RGS20: variants seen among roughly 807,000 people sequenced by gnomAD.
The protein encoded by RGS20 is gz-selective GTPase-activating protein.
Under a neutral mutation model 33.6 loss-of-function variants are expected in RGS20, and 30 were observed. The observed-to-expected ratio is 0.89, with a 90% CI of 0.67 to 1.21. The LOEUF is 1.21. Ranked by LOEUF, RGS20 falls within the 50% of genes most tolerant of loss-of-function variation. RGS20 has a pLI of 0.00. For synonymous variants in RGS20, 208 were observed against 197.9 expected, an observed-to-expected ratio of 1.05 and a Z score of -0.43; for missense variants, 472 against 502.4, an observed-to-expected ratio of 0.94 and a Z score of 0.58.
intron 1 of RGS20, among the ~76,000 whole-genome samples, chr8:53,875,337 C>A (rs919324442): frequency 2.1e-5 from 3 of 145,374 alleles, no homozygotes; most frequent in African/African-American, 7.8e-5. Flanking sequence ...GAGGCTGAGG[C>A]AGGAGAATCG....
chr8:53,911,638 G>A (rs962094514), intron 2 of RGS20, among the ~76,000 whole-genome samples: 2 of 152,126 alleles, frequency 1.3e-5, no homozygotes, highest in African/African-American at 2.4e-5. Context: ...CCCTAAGAAA[G>A]GCATCAGGCC....
chr8:53,942,464 CAAAAACAAAAA>C (rs1814327354), intron 3 of RGS20, among the ~76,000 whole-genome samples: 1 of 147,632 alleles, frequency 6.8e-6, no homozygotes, highest in South Asian at 2.1e-4. Flanking sequence ...GTCTGAAAAA[CAAAAACAAAAA>C]AAAAAGAAAA....
In RGS20 at chr8:53,954,845, G is replaced by A. The variant is rs375711345; in HGVS notation, c.978+535G>A. On this transcript the variant is annotated intron_variant, in intron 5 of 5. Coordinates refer to ENST00000297313, the MANE Select transcript of RGS20 (RefSeq NM_170587.4). ...TGGGATTATAGGTGCGCACCACCAG[G>A]CCTGGCTAATTTTTGTATTTTTAGT... Among the ~76,000 whole-genome samples the A allele has an allele frequency of 3.2e-4, 48 of 150,944 alleles. No homozygotes were observed. The East Asian group carries it at 8.5e-3, about 27-fold the overall frequency.
At chr8:53,895,620 A>G (rs1812835331) in intron 2 of RGS20, among the ~76,000 whole-genome samples, 1 of 151,808 alleles carries the variant, frequency 6.6e-6, no homozygotes, top group Non-Finnish European at 1.5e-5. Flanking sequence ...TATGCCCTGA[A>G]CACTAATAAT....
At position 53,958,681 on chromosome 8, in the gene RGS20, AG is replaced by A; in HGVS notation, c.*224del. Reference sequence around the variant, plus strand: ...AAAAATAAAGGGATATGGCTGTTGTAGAAAGATAGCGTATTTGCATTTACAA... The same window carrying A: ...AAAAATAAAGGGATATGGCTGTTGTAAAAGATAGCGTATTTGCATTTACAA... On this transcript the variant is annotated 3_prime_UTR_variant, in exon 6 of 6. Transcript: ENST00000297313. The A allele has an allele frequency of 3.9e-6, 1 of 256,754 alleles. No homozygotes were observed. Among genetic ancestry groups the A allele is most frequent in the Non-Finnish European group, 7.1e-6 (1 of 140,014 alleles). The allele number at this position is 256,754 out of a possible 1,614,324, so 15.9% of individuals were successfully genotyped here.
At chr8:53,947,932 C>CTA (rs534648274) in intron 4 of RGS20, among the ~76,000 whole-genome samples, 2 of 132,572 alleles carry the variant, frequency 1.5e-5, no homozygotes, top group Non-Finnish European at 3.1e-5. Flanking sequence ...TTTACATATG[C>CTA]TATATATATA....
At chr8:53,910,207 G>T (rs1304915194) in intron 2 of RGS20, among the ~76,000 whole-genome samples, 1 of 152,162 alleles carries the variant, frequency 6.6e-6, no homozygotes, top group Non-Finnish European at 1.5e-5. Context: ...GCCAGCAAAA[G>T]TATAGATGCC....
intron 2 of RGS20, among the ~76,000 whole-genome samples, chr8:53,922,019 G>C (rs1813663038): frequency 6.6e-6 from 1 of 152,054 alleles, no homozygotes; most frequent in Non-Finnish European, 1.5e-5. Flanking sequence ...GGTGTAGTTA[G>C]TTTATAGTGT....
At chr8:53,903,245 A>G (rs1813079365) in intron 2 of RGS20, among the ~76,000 whole-genome samples, 1 of 152,196 alleles carries the variant, frequency 6.6e-6, no homozygotes, top group African/African-American at 2.4e-5. Flanking sequence ...TGCCTATTGT[A>G]TGCTAGACAC....
At chr8:53,925,257 A>G (rs1027369122) in intron 2 of RGS20, among the ~76,000 whole-genome samples, 2 of 152,162 alleles carry the variant, frequency 1.3e-5, no homozygotes, top group Non-Finnish European at 2.9e-5. Flanking sequence ...CTAGAGTCCC[A>G]ATCCCATCCT....
chr8:53,855,070 T>C (rs572788843), intron 1 of RGS20, among the ~76,000 whole-genome samples: 5 of 151,770 alleles, frequency 3.3e-5, no homozygotes, highest in African/African-American at 4.8e-5. Flanking sequence ...TAAGCCACTC[T>C]TTTTTTTTCT....
chr8:53,930,795 T>A lies in RGS20; in HGVS notation c.511-8781T>A, dbSNP rs188574488. 5.3e-4 allele frequency among the ~76,000 whole-genome samples: 80 copies of A among 152,244 alleles called. No homozygotes were observed. The East Asian group carries it at 0.014, about 26-fold the overall frequency. ...AACTCCTGACCTCAAGTGATCTGCC[T>A]GCCTCGGCCTCCCAAGGAATATGTT... On this transcript the variant is annotated intron_variant, in intron 2 of 5. Coordinates refer to ENST00000297313, the MANE Select transcript of RGS20 (RefSeq NM_170587.4).
intron 1 of RGS20, among the ~76,000 whole-genome samples, chr8:53,854,709 G>T (rs1001043125): frequency 1.9e-4 from 29 of 152,162 alleles, no homozygotes; most frequent in African/African-American, 6.5e-4. Context: ...AAACAATTTG[G>T]CAGTTTCTCA....
intron 1 of RGS20, among the ~76,000 whole-genome samples, chr8:53,856,323 C>G (rs1811669214): frequency 6.6e-6 from 1 of 150,816 alleles, no homozygotes; most frequent in South Asian, 2.1e-4. Flanking sequence ...TCAAGTGATT[C>G]TCCTGCCTCA....
At position 53,905,313 on chromosome 8, in the gene RGS20, T is replaced by A. The variant is rs578124181; in HGVS notation, c.510+25711T>A. Among the ~76,000 whole-genome samples the A allele has an allele frequency of 2.0e-5, 3 of 152,350 alleles. No individual in the cohort carries two copies. In the East Asian group the frequency reaches 5.8e-4, roughly 29 times the overall value. ...CATAGATTTGCCTGGAAGCAAAGTT[T>A]AGAATTTCCACAAAAATCCACCAGC... On this transcript the variant is annotated intron_variant, in intron 2 of 5. Transcript: ENST00000297313.
intron 2 of RGS20, among the ~76,000 whole-genome samples, chr8:53,889,580 A>T (rs894255485): frequency 2.0e-5 from 3 of 151,466 alleles, no homozygotes; most frequent in African/African-American, 7.3e-5. Context: ...AGGGGTAGAG[A>T]TGGGGTTTCA....
At chr8:53,924,852 T>C (rs780101056) in intron 2 of RGS20, among the ~76,000 whole-genome samples, 19 of 152,178 alleles carry the variant, frequency 1.2e-4, no homozygotes, top group Admixed American at 5.2e-4. Context: ...TTCCAGACCA[T>C]AGAGATGTCT....
At position 53,952,576 on chromosome 8, in the gene RGS20, A is replaced by T. The variant is rs991965464; in HGVS notation, c.744-1500A>T. 1.3e-5 allele frequency among the ~76,000 whole-genome samples: 2 copies of T among 151,668 alleles called. 1 individual carries two copies. Among genetic ancestry groups the T allele is most frequent in the Admixed American group, 1.3e-4 (2 of 15,188 alleles). ...GCCATCTCTACTAAAAATACAAAAA[A>T]TTACCCGGGTGTGGTGGTAAGCACC... On this transcript the variant is annotated intron_variant, in intron 4 of 5. Transcript: ENST00000297313.
chr8:53,864,457 A>G (rs1232837483), intron 1 of RGS20, among the ~76,000 whole-genome samples: 1 of 150,398 alleles, frequency 6.6e-6, no homozygotes, highest in Non-Finnish European at 1.5e-5. Flanking sequence ...AAAAACTCAG[A>G]TACTTTGAGT....
Sources: gnomAD v4.1 joint callset for allele counts (sites outside exome capture counted in the v4.1 genomes callset) on GRCh38, gnomAD v4.1.1 for gene constraint, MANE v1.5 for transcripts, NCBI Gene and HGNC (gene_info 2026-07-23, HGNC 2026-07-21) for gene names.